The following EPHA3 variants were observed in gnomAD, a reference collection of about 807,000 sequenced individuals.
The protein encoded by EPHA3 is ephrin type-A receptor 3.
In EPHA3, 42 loss-of-function variants were observed where a neutral mutation model predicts 107.1. The ratio of observed to expected loss-of-function variants is 0.39; its 90% CI spans 0.31 to 0.51. EPHA3 has a LOEUF of 0.51. Among genes scored for constraint, EPHA3 ranks in the 20% least tolerant of loss-of-function variants. The pLI is 0.78. For missense variants in EPHA3, 1,183 were observed against 1,211.2 expected (o/e 0.98, Z 0.35); for synonymous variants, 461 against 424.8 (o/e 1.09, Z -1.05).
chr3:89,149,477 G>A (rs1185279123), intron 2 of EPHA3, among the ~76,000 whole-genome samples: 1 of 151,700 alleles, frequency 6.6e-6, no homozygotes, highest in Non-Finnish European at 1.5e-5. Context: ...TAAATGCATA[G>A]AATAATCTTT....
At chr3:89,240,321 G>GA (rs1704865199) in intron 3 of EPHA3, among the ~76,000 whole-genome samples, 1 of 151,952 alleles carries the variant, frequency 6.6e-6, no homozygotes, top group East Asian at 1.9e-4. Flanking sequence ...ATTTTATCGG[G>GA]AAAAAGCATA....
intron 3 of EPHA3, among the ~76,000 whole-genome samples, chr3:89,295,056 C>T (rs1406907528): frequency 6.6e-6 from 1 of 152,138 alleles, no homozygotes; most frequent in Non-Finnish European, 1.5e-5. Context: ...CTCACTCACA[C>T]TTGTATGTAT....
chr3:89,288,939 C>T (rs1192705328), intron 3 of EPHA3, among the ~76,000 whole-genome samples: 3 of 152,082 alleles, frequency 2.0e-5, no homozygotes, highest in African/African-American at 7.2e-5. Flanking sequence ...ATATGGATAA[C>T]AAAATATCAT....
chr3:89,458,612 G>T (rs74866449), intron 15 of EPHA3, among the ~76,000 whole-genome samples: 1 of 152,182 alleles, frequency 6.6e-6, no homozygotes, highest in Admixed American at 6.5e-5. Context: ...TTCTATAATG[G>T]TTGAACTAAT....
In EPHA3 at chr3:89,359,800, CACATATATAT is replaced by C. The variant is rs1243663124; in HGVS notation, c.1306+17732_1306+17741del. 2.0e-3 allele frequency among the ~76,000 whole-genome samples: 272 copies of C among 139,270 alleles called. 3 individuals are homozygous for C. Among genetic ancestry groups the C allele is most frequent in the East Asian group, 0.012 (60 of 5,030 alleles). The allele number at this position is 139,270 out of a possible 152,430, so 91.4% of individuals were successfully genotyped here. A position where few individuals can be genotyped will look rare whatever the true frequency, so the allele number is the denominator to read the frequency against. ...ATATATACATATATATACATATATA[CACATATATAT>C]ACATATATATACATATATATATACA... On this transcript the variant is annotated intron_variant, in intron 5 of 16. Transcript: ENST00000336596.
chr3:89,153,843 A>G (rs1403476164), intron 2 of EPHA3, among the ~76,000 whole-genome samples: 3 of 151,986 alleles, frequency 2.0e-5, no homozygotes, highest in African/African-American at 7.2e-5. Context: ...AAGTCCTCAG[A>G]ATGACCTGCA....
chr3:89,290,828 G>A (rs1341341133), intron 3 of EPHA3, among the ~76,000 whole-genome samples: 4 of 152,080 alleles, frequency 2.6e-5, no homozygotes, highest in African/African-American at 9.7e-5. Context: ...ACAGTTGGGT[G>A]TCTTTTATAA....
At chr3:89,286,588 G>A (rs1426769551) in intron 3 of EPHA3, among the ~76,000 whole-genome samples, 1 of 152,100 alleles carries the variant, frequency 6.6e-6, no homozygotes, top group African/African-American at 2.4e-5. Flanking sequence ...GTTTTCTGCT[G>A]GTTTAGCTAT....
intron 5 of EPHA3, among the ~76,000 whole-genome samples, chr3:89,393,992 T>A (rs1708798570): frequency 1.3e-5 from 2 of 152,098 alleles, no homozygotes; most frequent in African/African-American, 4.8e-5. Context: ...GAAGAATTGA[T>A]AATGAAAGGT....
chr3:89,154,553 A>T (rs939176774), intron 2 of EPHA3, among the ~76,000 whole-genome samples: 1 of 151,766 alleles, frequency 6.6e-6, no homozygotes, highest in African/African-American at 2.4e-5. Flanking sequence ...TTATTTAATG[A>T]ACAGCTATAC....
intron 2 of EPHA3, among the ~76,000 whole-genome samples, chr3:89,137,004 C>T (rs1704328267): frequency 6.6e-6 from 1 of 151,408 alleles, no homozygotes; most frequent in Non-Finnish European, 1.5e-5. Context: ...ATTTTCTGGT[C>T]AAAAATGCAC....
At chr3:89,355,480 A>G (rs190407313) in intron 5 of EPHA3, among the ~76,000 whole-genome samples, 2 of 151,580 alleles carry the variant, frequency 1.3e-5, no homozygotes, top group Admixed American at 6.6e-5. Flanking sequence ...CAGTAGCAAA[A>G]GTCCAATTGT....
rs1297280508 is a variant in EPHA3 at position 89,340,987 on chromosome 3, A to T, written c.886A>T (p.Thr296Ser). 1 of 1,614,116 alleles carries T rather than the reference A, an allele frequency of 6.2e-7. No homozygotes were observed. Among genetic ancestry groups the T allele is most frequent in the Admixed American group, 1.7e-5 (1 of 60,020 alleles). The change falls in exon 4 of 17, where the codon ACT (threonine) becomes TCT (serine). Residue 296 changes from threonine (T) to serine (S), a missense_variant. By Grantham distance (58) the Thr-to-Ser change is moderately conservative. Transcript: ENST00000336596. ...KCAKCPPHSS[T>S]QEDGSMNCRC... Reference sequence around the variant, plus strand: ...TGCTAAGTGCCCGCCTCACAGTTCTACTCAGGAAGATGGTTCAATGAACTG... The same window carrying T: ...TGCTAAGTGCCCGCCTCACAGTTCTTCTCAGGAAGATGGTTCAATGAACTG...
At chr3:89,294,847 A>G (rs528772693) in intron 3 of EPHA3, among the ~76,000 whole-genome samples, 1 of 152,202 alleles carries the variant, frequency 6.6e-6, no homozygotes, top group South Asian at 2.1e-4. Context: ...CTTGCATGCC[A>G]TGTAATTATT....
At chr3:89,263,426 G>T (rs972915434) in intron 3 of EPHA3, among the ~76,000 whole-genome samples, 1 of 152,152 alleles carries the variant, frequency 6.6e-6, no homozygotes, top group African/African-American at 2.4e-5. Flanking sequence ...CCAAGCTCTT[G>T]TACAGCATCC....
rs571432823 is a variant in EPHA3, at chr3:89,260,269, A to G, written c.814+49749A>G. Among the ~76,000 whole-genome samples, 5 of 152,284 alleles carry G rather than the reference A, an allele frequency of 3.3e-5. No homozygotes were observed. In the East Asian group the frequency reaches 7.7e-4, roughly 24 times the overall value. ...TGGAACCTCCATGCTCTTTTCCACA[A>G]TGGCTTTTCCACAGTGTACATTTTC... On this transcript the variant is annotated intron_variant, in intron 3 of 16. Coordinates refer to ENST00000336596, the MANE Select transcript of EPHA3 (RefSeq NM_005233.6).
chr3:89,135,143 C>G (rs1011062675), intron 2 of EPHA3, among the ~76,000 whole-genome samples: 11 of 152,108 alleles, frequency 7.2e-5, no homozygotes, highest in Admixed American at 3.9e-4. Context: ...ATTGATATTT[C>G]AGATTTCAGG....
intron 3 of EPHA3, among the ~76,000 whole-genome samples, chr3:89,211,647 A>ATTCCTC: frequency 9.5e-6 from 1 of 104,994 alleles, no homozygotes; most frequent in East Asian, 2.9e-4. Flanking sequence ...CACAGAATAA[A>ATTCCTC]TTCCTCTTCC....
At chr3:89,180,383 T>C (rs2107117709) in intron 2 of EPHA3, among the ~76,000 whole-genome samples, 1 of 152,092 alleles carries the variant, frequency 6.6e-6, no homozygotes, top group Non-Finnish European at 1.5e-5. Context: ...CAAGTCTGTG[T>C]GTATTCAGTT....
Sources: allele counts gnomAD v4.1 joint callset (sites outside exome capture counted in the v4.1 genomes callset), GRCh38; gene constraint gnomAD v4.1.1; transcripts MANE v1.5; gene names NCBI Gene and HGNC (gene_info 2026-07-23, HGNC 2026-07-21).